Variants in SHB observed in about 807,000 individuals in gnomAD.
SHB encodes SH2 domain containing adaptor protein B.
Under a neutral mutation model 52.3 loss-of-function variants are expected in SHB, and 20 were observed. The observed-to-expected ratio is 0.38, with a 90% CI of 0.27 to 0.56. The LOEUF (loss-of-function observed/expected upper bound fraction) is 0.56, where lower values mean the gene tolerates loss of function less well. SHB is among the 20% of genes least tolerant of loss of function. The pLI, the probability that SHB is intolerant of heterozygous loss-of-function variation, is 0.71. For missense variants in SHB, 825 were observed against 723.3 expected (o/e 1.14, Z -1.61); for synonymous variants, 397 against 316.5 (o/e 1.25, Z -2.70).
intron 2 of SHB, among the ~76,000 whole-genome samples, chr9:38,002,189 G>A (rs1320761936): frequency 6.6e-6 from 1 of 152,326 alleles, no homozygotes; most frequent in East Asian, 1.9e-4. Flanking sequence ...TGAGATGTGA[G>A]TAGTCAGCAA....
intron 2 of SHB, among the ~76,000 whole-genome samples, chr9:37,994,447 C>T (rs1261958314): frequency 6.6e-6 from 1 of 152,228 alleles, no homozygotes; most frequent in Non-Finnish European, 1.5e-5. Flanking sequence ...AATACACTGG[C>T]AATTCCAAAT....
At chr9:38,007,483 C>A (rs534721754) in intron 2 of SHB, among the ~76,000 whole-genome samples, 1 of 152,178 alleles carries the variant, frequency 6.6e-6, no homozygotes, top group East Asian at 1.9e-4. Flanking sequence ...CCAACTCCCA[C>A]CCTGACGCCA....
intron 1 of SHB, among the ~76,000 whole-genome samples, chr9:38,066,781 C>A (rs1482157115): frequency 1.3e-5 from 2 of 152,138 alleles, no homozygotes; most frequent in Non-Finnish European, 2.9e-5. Flanking sequence ...TTTCCAAGCA[C>A]CAGATGGCAG....
At chr9:38,005,206 T>A (rs1821063737) in intron 2 of SHB, among the ~76,000 whole-genome samples, 2 of 152,170 alleles carry the variant, frequency 1.3e-5, no homozygotes. Context: ...GCCCAAAAGT[T>A]GAGGCTTGGG....
At chr9:38,053,289 G>A (rs1821775120) in intron 1 of SHB, among the ~76,000 whole-genome samples, 1 of 151,994 alleles carries the variant, frequency 6.6e-6, no homozygotes, top group Non-Finnish European at 1.5e-5. Flanking sequence ...CGAGGCTGGA[G>A]TACAGTGGTG....
At chr9:38,035,394 A>G (rs1821471995) in intron 1 of SHB, among the ~76,000 whole-genome samples, 1 of 151,842 alleles carries the variant, frequency 6.6e-6, no homozygotes, top group African/African-American at 2.4e-5. Flanking sequence ...GAAACTCTAT[A>G]GTCCTCCTGA....
intron 1 of SHB, among the ~76,000 whole-genome samples, chr9:38,064,677 G>C (rs1169749791): frequency 1.3e-5 from 2 of 152,180 alleles, no homozygotes; most frequent in Non-Finnish European, 2.9e-5. Flanking sequence ...CAGGAGCTCA[G>C]GCCAGAGATC....
chr9:38,029,954 C>T (rs1821392960), intron 1 of SHB, among the ~76,000 whole-genome samples: 1 of 152,210 alleles, frequency 6.6e-6, no homozygotes, highest in African/African-American at 2.4e-5. Flanking sequence ...AGCAAGTATG[C>T]CCACACTCCC....
intron 2 of SHB, among the ~76,000 whole-genome samples, chr9:37,990,328 G>C (rs1820867113): frequency 6.6e-6 from 1 of 152,162 alleles, no homozygotes; most frequent in South Asian, 2.1e-4. Flanking sequence ...GGAGCCTTGA[G>C]GCTTCTACCA....
At chr9:37,934,063 G>A (rs901765654) in intron 5 of SHB, among the ~76,000 whole-genome samples, 2 of 152,144 alleles carry the variant, frequency 1.3e-5, no homozygotes, top group East Asian at 1.9e-4. Flanking sequence ...ACAGGGTCCC[G>A]TGGGGTCTGT....
chr9:38,064,385 C>A (rs938476919), intron 1 of SHB, among the ~76,000 whole-genome samples: 6 of 152,228 alleles, frequency 3.9e-5, no homozygotes, highest in Admixed American at 6.5e-5. Context: ...ATTCCCCAAA[C>A]AAGGCCCAGC....
At chr9:37,966,415 C>G (rs1820524744) in intron 3 of SHB, among the ~76,000 whole-genome samples, 1 of 151,970 alleles carries the variant, frequency 6.6e-6, no homozygotes, top group Non-Finnish European at 1.5e-5. Context: ...TTTAAGATTA[C>G]TAAATGAATT....
intron 1 of SHB, among the ~76,000 whole-genome samples, chr9:38,052,176 C>T (rs1821759427): frequency 2.0e-5 from 3 of 152,182 alleles, no homozygotes; most frequent in Admixed American, 1.3e-4. Context: ...AGGTGACTAG[C>T]TCTGTCCACC....
At chr9:38,021,980 C>A (rs1333176350) in intron 1 of SHB, among the ~76,000 whole-genome samples, 1 of 152,236 alleles carries the variant, frequency 6.6e-6, no homozygotes, top group Non-Finnish European at 1.5e-5. Context: ...CAGCACCCCA[C>A]AAGGCCCCTG....
chr9:38,028,362 G>A (rs948279920), intron 1 of SHB, among the ~76,000 whole-genome samples: 1 of 152,190 alleles, frequency 6.6e-6, no homozygotes, highest in Non-Finnish European at 1.5e-5. Flanking sequence ...GTCCATGTGG[G>A]CCAGGCCATA....
At position 38,003,684 on chromosome 9, in the gene SHB, T is replaced by C. The variant is rs545306021; in HGVS notation, c.838+12327A>G. On this transcript the variant is annotated intron_variant, in intron 2 of 5. Transcript: ENST00000377707. ...GGGGCCGGGCTGCCCCTCCTCTATC[T>C]TACATAGCTCTGACACTGTCCCAAC... Among the ~76,000 whole-genome samples the C allele has an allele frequency of 2.6e-5, 4 of 152,304 alleles. No individual in the cohort carries two copies. In the East Asian group the frequency reaches 7.8e-4, roughly 30 times the overall value.
intron 2 of SHB, among the ~76,000 whole-genome samples, chr9:38,000,751 T>C (rs1388810212): frequency 6.6e-6 from 1 of 152,202 alleles, no homozygotes. Flanking sequence ...GCTGAGAGGC[T>C]TTACTTGCCA....
intron 4 of SHB, among the ~76,000 whole-genome samples, chr9:37,952,663 T>C (rs959497625): frequency 4.6e-5 from 7 of 152,084 alleles, no homozygotes; most frequent in African/African-American, 1.7e-4. Context: ...ATTCTGGTGG[T>C]ACTTAGGAGG....
rs780289438 is a variant in SHB, at chr9:38,068,385, C to G, written c.261G>C (p.Gln87His). The G allele has an allele frequency of 6.3e-7, 1 of 1,576,478 alleles. No individual in the cohort carries two copies. The highest frequency in any genetic ancestry group is 8.6e-7 in the Non-Finnish European group (1 of 1,164,926). The change falls in exon 1 of 6, where the codon CAG (glutamine) becomes CAC (histidine). Residue 87 changes from glutamine to histidine, a missense_variant. Physicochemically the swap from Gln to His is conservative, Grantham distance 24. Coordinates refer to ENST00000377707, the MANE Select transcript of SHB (RefSeq NM_003028.3). ...AGGGGTCCTCGAAGTCTCGCTCCTT[C>G]TGCGCGCGGTAGGCGCGGATGAGGT... ...TSDLIRAYRAQKERDFEDPYN... is the reference protein window; with the variant it reads ...TSDLIRAYRAHKERDFEDPYN...
Sources: allele counts gnomAD v4.1 joint callset (sites outside exome capture counted in the v4.1 genomes callset), GRCh38; gene constraint gnomAD v4.1.1; transcripts MANE v1.5; gene names NCBI Gene and HGNC (gene_info 2026-07-23, HGNC 2026-07-21).